Variants in PAM observed in about 807,000 individuals in gnomAD.
The protein encoded by PAM is peptidylglycine alpha-amidating monooxygenase.
PAM carries 72 observed loss-of-function variants against 122.1 expected under a neutral mutation model. The ratio of observed to expected loss-of-function variants is 0.59; its 90% CI spans 0.49 to 0.72. The LOEUF (loss-of-function observed/expected upper bound fraction) is 0.72. Among genes scored for constraint, PAM ranks in the 30% least tolerant of loss-of-function variants. The probability of loss-of-function intolerance (pLI) is 0.00; values close to 1 mark genes in which losing one functional copy is unlikely to be tolerated. For missense variants in PAM, 1,106 were observed against 1,183.7 expected (o/e 0.93, Z 0.96); for synonymous variants, 389 against 404.4 (o/e 0.96, Z 0.46).
At chr5:102,760,924 G>T (rs974393585) in intron 1 of PAM, among the ~76,000 whole-genome samples, 54 of 152,198 alleles carry the variant, frequency 3.5e-4, no homozygotes, top group Admixed American at 6.5e-4. Flanking sequence ...CATATAAACA[G>T]CGTTACTCAA....
chr5:102,816,721 ACT>A (rs1769930495), intron 1 of PAM, among the ~76,000 whole-genome samples: 1 of 151,898 alleles, frequency 6.6e-6, no homozygotes, highest in African/African-American at 2.4e-5. Context: ...GATCTTCCTG[ACT>A]CTAAAAGTTG....
At chr5:102,776,046 G>C (rs1253125399) in intron 1 of PAM, among the ~76,000 whole-genome samples, 1 of 152,172 alleles carries the variant, frequency 6.6e-6, no homozygotes, top group Non-Finnish European at 1.5e-5. Flanking sequence ...ACTGGCATGA[G>C]ATGGTATCTC....
At chr5:102,852,157 G>A (rs1260037362) in intron 1 of PAM, among the ~76,000 whole-genome samples, 2 of 152,120 alleles carry the variant, frequency 1.3e-5, no homozygotes, top group African/African-American at 4.8e-5. Flanking sequence ...TCAAGCATTG[G>A]CCATTAATTT....
chr5:102,843,792 T>C (rs1043449363), intron 1 of PAM, among the ~76,000 whole-genome samples: 3 of 152,120 alleles, frequency 2.0e-5, no homozygotes, highest in African/African-American at 7.2e-5. Flanking sequence ...AAATGCAAAT[T>C]AAAAGCTCAA....
At chr5:103,025,383 T>C in intron 24 of PAM, 49 bp downstream of exon 24, 1 of 1,420,954 alleles carries the variant, frequency 7.0e-7, no homozygotes, top group South Asian at 1.1e-5. Context: ...TGAAAGAGTG[T>C]TTGGCCTAAT....
At chr5:102,879,037 TCCTGC>T (rs1790118890) in intron 3 of PAM, among the ~76,000 whole-genome samples, 1 of 152,100 alleles carries the variant, frequency 6.6e-6, no homozygotes, top group African/African-American at 2.4e-5. Context: ...CACGCCATTC[TCCTGC>T]CTCAGCCTCC....
intron 5 of PAM, among the ~76,000 whole-genome samples, chr5:102,922,879 A>C (rs1747939908): frequency 6.6e-6 from 1 of 152,200 alleles, no homozygotes; most frequent in Non-Finnish European, 1.5e-5. Flanking sequence ...AGCTGAGGCC[A>C]GGAAGGAAAA....
intron 15 of PAM, among the ~76,000 whole-genome samples, chr5:102,979,941 G>A (rs887946342): frequency 7.2e-5 from 11 of 151,874 alleles, no homozygotes; most frequent in African/African-American, 2.7e-4. Flanking sequence ...AGTGTTATAT[G>A]TCATTGGAAA....
chr5:102,888,008 A>G (rs1793676957), intron 3 of PAM, among the ~76,000 whole-genome samples: 2 of 151,974 alleles, frequency 1.3e-5, no homozygotes, highest in African/African-American at 2.4e-5. Context: ...TTTTCAGGGT[A>G]ACCTTCACAA....
In PAM at chr5:103,019,822, A is replaced by G; in HGVS notation, c.2464A>G (p.Ile822Val). 1 of 1,607,804 alleles carries G rather than the reference A, an allele frequency of 6.2e-7. No individual in the cohort carries two copies. Among genetic ancestry groups the G allele is most frequent in the Non-Finnish European group, 8.5e-7 (1 of 1,174,344 alleles). ...LEHRSVKKAG[I>V]EVQEIKEAEA... ...ACATCGATCAGTTAAAAAGGCTGGC[A>G]TTGAGGTCCAGGAAATCAAAGGTTG... Residue 822 changes from isoleucine (I) to valine (V), a missense_variant, in exon 23 of 26, where the codon ATT (isoleucine) becomes GTT (valine). By Grantham distance (29) the Ile-to-Val change is conservative. Transcript: ENST00000438793.
At chr5:102,799,760 A>G (rs1160825323) in intron 1 of PAM, among the ~76,000 whole-genome samples, 2 of 152,200 alleles carry the variant, frequency 1.3e-5, no homozygotes, top group Admixed American at 6.5e-5. Flanking sequence ...GGAAGTCCCT[A>G]CTATTTCACA....
In PAM at chr5:102,949,487, T is replaced by C. The variant is rs1218443640; in HGVS notation, c.644-50T>C. ...TGCATAATTTTAGATAAGAATAATG[T>C]CATTTTCCAGTTGAATAGTGACTTT... On this transcript the variant is annotated intron_variant, in intron 9 of 25. Coordinates refer to ENST00000438793, the MANE Select transcript of PAM (RefSeq NM_001177306.2). 4.4e-6 allele frequency: 4 copies of C among 908,710 alleles called. No individual in the cohort carries two copies. The African/African-American group carries it at 6.5e-5, about 15-fold the overall frequency. The allele number at this position is 908,710 out of a possible 1,614,324, so 56.3% of individuals were successfully genotyped here.
intron 11 of PAM, 115 bp from the exon 12 acceptor site, chr5:102,950,602 A>G: frequency 9.2e-6 from 6 of 653,214 alleles, no homozygotes; most frequent in Non-Finnish European, 1.4e-5. Context: ...ACATCCCTTC[A>G]TGATTAAACC....
intron 7 of PAM, among the ~76,000 whole-genome samples, chr5:102,934,968 T>C (rs1051971958): frequency 6.6e-6 from 1 of 152,176 alleles, no homozygotes; most frequent in Non-Finnish European, 1.5e-5. Context: ...CTAAAAAGGA[T>C]TGGAGGACTC....
chr5:102,835,120 A>T (rs980491782), intron 1 of PAM, among the ~76,000 whole-genome samples: 2 of 152,258 alleles, frequency 1.3e-5, no homozygotes, highest in South Asian at 2.1e-4. Context: ...TAATAATATG[A>T]ATCTTGCATG....
At chr5:102,872,934 G>A (rs904447781) in intron 3 of PAM, among the ~76,000 whole-genome samples, 4 of 152,076 alleles carry the variant, frequency 2.6e-5, no homozygotes, top group Admixed American at 6.6e-5. Flanking sequence ...GAGGGTGGAC[G>A]GAGGGAAAGG....
At chr5:103,025,084 G>C in intron 23 of PAM, 47 bp from the exon 24 acceptor site, 1 of 1,408,874 alleles carries the variant, frequency 7.1e-7, no homozygotes, top group Non-Finnish European at 1.0e-6. Flanking sequence ...AGGGGGTTTT[G>C]AAATCTTTGA....
At chr5:102,876,680 C>T (rs529070240) in intron 3 of PAM, among the ~76,000 whole-genome samples, 18 of 152,276 alleles carry the variant, frequency 1.2e-4, no homozygotes, top group Admixed American at 6.5e-5. Context: ...TGTGGGGGCT[C>T]AGTAGAGTCA....
At chr5:102,765,973 T>TA (rs1371867867) in intron 1 of PAM, among the ~76,000 whole-genome samples, 1 of 152,186 alleles carries the variant, frequency 6.6e-6, no homozygotes, top group East Asian at 1.9e-4. Context: ...CTTTTTTTTT[T>TA]ATGGGGACAC....
Sources: allele counts gnomAD v4.1 joint callset (sites outside exome capture counted in the v4.1 genomes callset), GRCh38; gene constraint gnomAD v4.1.1; transcripts MANE v1.5; gene names NCBI Gene and HGNC (gene_info 2026-07-23, HGNC 2026-07-21).